The following ARB2A variants were observed in gnomAD, a reference collection of about 807,000 sequenced individuals.
ARB2A encodes the protein cotranscriptional regulator ARB2A.
chr5:93,944,419 G>A, the ARB2A span, among the ~76,000 whole-genome samples: 1 of 151,902 alleles, frequency 6.6e-6, no homozygotes, highest in Non-Finnish European at 1.5e-5. Context: ...AACATAGTAG[G>A]ACCCCATCTC....
chr5:93,702,040 C>A, the ARB2A span, among the ~76,000 whole-genome samples: 1 of 152,124 alleles, frequency 6.6e-6, no homozygotes, highest in Non-Finnish European at 1.5e-5. Context: ...TTTAATCCTT[C>A]TTTTACTATT....
chr5:94,107,054 C>A, the ARB2A span, among the ~76,000 whole-genome samples: 7 of 151,566 alleles, frequency 4.6e-5, no homozygotes, highest in African/African-American at 1.5e-4. Flanking sequence ...ACCCCCTGAA[C>A]TAAAATAAAA....
At chr5:93,844,231 C>T in the ARB2A span, among the ~76,000 whole-genome samples, 1 of 151,824 alleles carries the variant, frequency 6.6e-6, no homozygotes, top group African/African-American at 2.4e-5. Flanking sequence ...ACTGCTTGAA[C>T]TCAGGAGTTC....
At chr5:93,838,920 G>C in the ARB2A span, among the ~76,000 whole-genome samples, 1 of 152,174 alleles carries the variant, frequency 6.6e-6, no homozygotes, top group Admixed American at 6.6e-5. Context: ...TGCAGAAATT[G>C]TTTATCAGAT....
chr5:93,807,928 T>G, the ARB2A span, among the ~76,000 whole-genome samples: 1 of 152,040 alleles, frequency 6.6e-6, no homozygotes, highest in South Asian at 2.1e-4. Flanking sequence ...CTAGAATGTT[T>G]GAGATGAACT....
At chr5:94,017,564 C>T in the ARB2A span, among the ~76,000 whole-genome samples, 1 of 152,106 alleles carries the variant, frequency 6.6e-6, no homozygotes, top group Non-Finnish European at 1.5e-5. Context: ...AAACAAGAAA[C>T]ACATAAGTTT....
the ARB2A span, chr5:93,881,777 A>T: frequency 1.3e-6 from 1 of 796,796 alleles, no homozygotes; most frequent in Non-Finnish European, 1.8e-6. Context: ...AGTCTAAGCA[A>T]TTTTTATATA....
the ARB2A span, among the ~76,000 whole-genome samples, chr5:93,743,781 C>T: frequency 2.6e-5 from 4 of 152,028 alleles, no homozygotes; most frequent in Non-Finnish European, 5.9e-5. Flanking sequence ...ATTCCCCTGC[C>T]TCAGCCTCCT....
At chr5:93,636,094 A>C in the ARB2A span, among the ~76,000 whole-genome samples, 1 of 152,342 alleles carries the variant, frequency 6.6e-6, no homozygotes, top group South Asian at 2.1e-4. Context: ...GGTATTCTGA[A>C]TATATGGATA....
chr5:94,108,026 A>G, the ARB2A span, among the ~76,000 whole-genome samples: 1 of 151,896 alleles, frequency 6.6e-6, no homozygotes, highest in Admixed American at 6.6e-5. Flanking sequence ...ACTATTACTG[A>G]TCTTTGCCAC....
At chr5:93,861,732 A>G in the ARB2A span, 1 of 152,250 alleles carries the variant, frequency 6.6e-6, no homozygotes, top group East Asian at 1.9e-4. Context: ...TTACACTAAC[A>G]TGCTCAGAGG....
At chr5:93,961,082 A>C in the ARB2A span, among the ~76,000 whole-genome samples, 9 of 152,292 alleles carry the variant, frequency 5.9e-5, no homozygotes, top group Admixed American at 3.9e-4. Flanking sequence ...AAAAATTGAA[A>C]GGCAGAGCTG....
the ARB2A span, among the ~76,000 whole-genome samples, chr5:93,769,872 A>C: frequency 6.6e-6 from 1 of 152,228 alleles, no homozygotes; most frequent in African/African-American, 2.4e-5. Flanking sequence ...ATTTGTTAGA[A>C]CAAAATCCCA....
the ARB2A span, among the ~76,000 whole-genome samples, chr5:93,944,232 T>C: frequency 1.3e-5 from 2 of 152,218 alleles, no homozygotes; most frequent in African/African-American, 4.8e-5. Context: ...AAAAAATATT[T>C]AATTAAAATG....
the ARB2A span, among the ~76,000 whole-genome samples, chr5:94,066,218 C>T: frequency 6.6e-6 from 1 of 151,636 alleles, no homozygotes; most frequent in South Asian, 2.1e-4. Context: ...AACGATACAG[C>T]AATAAATGAC....
the ARB2A span, among the ~76,000 whole-genome samples, chr5:93,703,704 C>T: frequency 1.3e-5 from 2 of 152,164 alleles, no homozygotes; most frequent in South Asian, 4.1e-4. Context: ...GCACCAGTGG[C>T]CGAAGGGTGG....
At chr5:93,831,667 C>G in the ARB2A span, among the ~76,000 whole-genome samples, 1 of 152,104 alleles carries the variant, frequency 6.6e-6, no homozygotes, top group Admixed American at 6.5e-5. Flanking sequence ...GAAAAATGAG[C>G]AAAATTTTGT....
At chr5:93,945,571 CTT>C in the ARB2A span, among the ~76,000 whole-genome samples, 1 of 151,964 alleles carries the variant, frequency 6.6e-6, no homozygotes, top group African/African-American at 2.4e-5. Context: ...GATTGAAAAA[CTT>C]TAAAAATTCT....
At chr5:94,014,108 C>T in the ARB2A span, among the ~76,000 whole-genome samples, 5 of 152,164 alleles carry the variant, frequency 3.3e-5, no homozygotes. Flanking sequence ...TAGAGACAAA[C>T]AGGGGAAGTG....
Sources: allele counts gnomAD v4.1 joint callset (sites outside exome capture counted in the v4.1 genomes callset), GRCh38; gene constraint gnomAD v4.1.1; transcripts MANE v1.5; gene names NCBI Gene and HGNC (gene_info 2026-07-23, HGNC 2026-07-21).